Variants in MBNL2 observed in about 807,000 individuals in gnomAD.
MBNL2 encodes muscleblind-like protein 2.
In MBNL2, 17 loss-of-function variants were observed where a neutral mutation model predicts 41.9. The ratio of observed to expected loss-of-function variants is 0.41; its 90% CI spans 0.28 to 0.61. The LOEUF (loss-of-function observed/expected upper bound fraction) is 0.61, where lower values mean the gene tolerates loss of function less well. Among genes scored for constraint, MBNL2 ranks in the 20% least tolerant of loss-of-function variants. The pLI is 0.35. For synonymous variants in MBNL2, 195 were observed against 182.9 expected, an observed-to-expected ratio of 1.07 and a Z score of -0.53; for missense variants, 336 against 505.6, an observed-to-expected ratio of 0.66 and a Z score of 3.22.
intron 1 of MBNL2, among the ~76,000 whole-genome samples, chr13:97,237,177 T>A (rs905426545): frequency 3.3e-5 from 5 of 152,246 alleles, no homozygotes; most frequent in Admixed American, 6.5e-5. Flanking sequence ...ACCAAATTCA[T>A]TGGACCTCTG....
intron 2 of MBNL2, among the ~76,000 whole-genome samples, chr13:97,317,678 C>A (rs909007152): frequency 6.6e-6 from 1 of 152,128 alleles, no homozygotes; most frequent in Non-Finnish European, 1.5e-5. Flanking sequence ...CCTTGTCTTG[C>A]CCTAATAGAC....
chr13:97,291,318 T>C (rs2055912078), intron 2 of MBNL2, among the ~76,000 whole-genome samples: 1 of 152,096 alleles, frequency 6.6e-6, no homozygotes, highest in Non-Finnish European at 1.5e-5. Context: ...CTTGGCTCAC[T>C]GTACCCTCTG....
Position 97,391,895 on chromosome 13 carries a change from C to T in MBNL2, c.*446C>T. 1 of 158,632 alleles carries T rather than the reference C, an allele frequency of 6.3e-6. No individual in the cohort carries two copies. The highest frequency in any genetic ancestry group is 1.4e-5 in the Non-Finnish European group (1 of 72,444). 9.8% of individuals were successfully genotyped at this position (158,632 alleles called of 1,614,324 possible). A position where few individuals can be genotyped will look rare whatever the true frequency, so the allele number is the denominator to read the frequency against. Reference sequence around the variant, plus strand: ...GATGAGAGGTGAAGTAAAACCGATACCTGTCCTGCAGGTCTAAAATTTGAA... The same window carrying T: ...GATGAGAGGTGAAGTAAAACCGATATCTGTCCTGCAGGTCTAAAATTTGAA... On this transcript the variant is annotated 3_prime_UTR_variant, in exon 9 of 9. Coordinates refer to ENST00000679496, the MANE Select transcript of MBNL2 (RefSeq NM_001382683.1).
chr13:97,230,001 A>G (rs2042166533), intron 1 of MBNL2, among the ~76,000 whole-genome samples: 1 of 152,220 alleles, frequency 6.6e-6, no homozygotes, highest in Admixed American at 6.5e-5. Context: ...GTGAGAGCTT[A>G]GAAGAGTGAA....
intron 7 of MBNL2, among the ~76,000 whole-genome samples, chr13:97,363,418 C>CTCTGTG (rs1427263369): frequency 1.7e-4 from 23 of 136,728 alleles, no homozygotes; most frequent in African/African-American, 6.2e-4. Context: ...GAAAGAAAAA[C>CTCTGTG]TGTGTGTGTG....
In MBNL2 at chr13:97,357,000, T is replaced by C. The variant is rs1281329475; in HGVS notation, c.858+151T>C. Among the ~76,000 whole-genome samples, 4 of 152,208 alleles carry C rather than the reference T, an allele frequency of 2.6e-5. No homozygotes were observed. The East Asian group carries it at 7.7e-4, about 29-fold the overall frequency. On this transcript the variant is annotated intron_variant, in intron 6 of 8. Coordinates refer to ENST00000679496, the MANE Select transcript of MBNL2 (RefSeq NM_001382683.1). The stretch of plus-strand genomic sequence containing the variant: ...GGTGTTTAGCCATCTCATTCTCATA[T>C]GTAATCTGTGAAATAAATTAATCCT...
chr13:97,204,714 C>T, the MBNL2 span, among the ~76,000 whole-genome samples: 3 of 152,056 alleles, frequency 2.0e-5, no homozygotes, highest in African/African-American at 7.2e-5. Flanking sequence ...GGTTGCGGCC[C>T]AATCCATTTT....
At chr13:97,339,355 G>A (rs2061232073) in intron 3 of MBNL2, among the ~76,000 whole-genome samples, 2 of 151,008 alleles carry the variant, frequency 1.3e-5, no homozygotes, top group South Asian at 4.2e-4. Context: ...GAAGACTGCG[G>A]AGAGGAACAC....
At chr13:97,224,971 G>A (rs932328004) in intron 1 of MBNL2, among the ~76,000 whole-genome samples, 2 of 152,188 alleles carry the variant, frequency 1.3e-5, no homozygotes, top group African/African-American at 4.8e-5. Flanking sequence ...TTTTTCCTTT[G>A]ACTTTTGTGT....
At chr13:97,365,383 T>C (rs2063767641) in intron 8 of MBNL2, among the ~76,000 whole-genome samples, 1 of 152,214 alleles carries the variant, frequency 6.6e-6, no homozygotes, top group African/African-American at 2.4e-5. Flanking sequence ...GAACAATCAC[T>C]ACAAAAACAT....
At chr13:97,276,969 A>T (rs1171241046) in intron 2 of MBNL2, among the ~76,000 whole-genome samples, 2 of 152,200 alleles carry the variant, frequency 1.3e-5, no homozygotes, top group Non-Finnish European at 2.9e-5. Flanking sequence ...AGTGATTCAG[A>T]TGGCACCTTT....
At chr13:97,211,894 G>T in the MBNL2 span, among the ~76,000 whole-genome samples, 1 of 152,182 alleles carries the variant, frequency 6.6e-6, no homozygotes, top group South Asian at 2.1e-4. Flanking sequence ...ACTATATGCC[G>T]AGATCTAAAT....
chr13:97,385,708 C>T (rs936566131), intron 8 of MBNL2, among the ~76,000 whole-genome samples: 4 of 152,150 alleles, frequency 2.6e-5, no homozygotes, highest in African/African-American at 7.2e-5. Flanking sequence ...GTTATACATA[C>T]GTACAATTCC....
the MBNL2 span, among the ~76,000 whole-genome samples, chr13:97,154,792 A>AGGATGGATGGAT: frequency 8.3e-3 from 1,214 of 146,272 alleles, 9 homozygotes; most frequent in African/African-American, 0.018. Context: ...AAATGGTATA[A>AGGATGGATGGAT]GGATGGATGG....
chr13:97,188,016 T>G, the MBNL2 span, among the ~76,000 whole-genome samples: 1 of 152,194 alleles, frequency 6.6e-6, no homozygotes, highest in Non-Finnish European at 1.5e-5. Flanking sequence ...AATATTTTGT[T>G]TCTCATCACC....
rs1331804442 is a variant in MBNL2 at position 97,376,460 on chromosome 13, C to CAGTT, written c.1048+11292_1048+11295dup. Among the ~76,000 whole-genome samples, 3 of 152,176 alleles carry CAGTT rather than the reference C, an allele frequency of 2.0e-5. No homozygotes were observed. In the East Asian group the frequency reaches 5.8e-4, roughly 29 times the overall value. ...TTATGACAAACTATAGCTAATCTAG[C>CAGTT]AGTTAGAATTCATCATGCTTTAGCA... On this transcript the variant is annotated intron_variant, in intron 8 of 8. Coordinates refer to ENST00000679496, the MANE Select transcript of MBNL2 (RefSeq NM_001382683.1).
intron 8 of MBNL2, among the ~76,000 whole-genome samples, chr13:97,386,872 C>T (rs1337346479): frequency 1.3e-5 from 2 of 151,914 alleles, no homozygotes; most frequent in Non-Finnish European, 2.9e-5. Flanking sequence ...CCATTGTAGC[C>T]AGCTGATATT....
chr13:97,285,010 G>T (rs1026885769), intron 2 of MBNL2, among the ~76,000 whole-genome samples: 12 of 152,290 alleles, frequency 7.9e-5, no homozygotes, highest in Middle Eastern at 6.8e-3. Flanking sequence ...TTATTAAGGT[G>T]TAAGGAGAAA....
chr13:97,151,724 C>T, the MBNL2 span, among the ~76,000 whole-genome samples: 5 of 152,256 alleles, frequency 3.3e-5, no homozygotes, highest in East Asian at 5.8e-4. Context: ...ATCAGACAGC[C>T]TCCATTTTCA....
Sources: allele counts gnomAD v4.1 joint callset (sites outside exome capture counted in the v4.1 genomes callset), GRCh38; gene constraint gnomAD v4.1.1; transcripts MANE v1.5; gene names NCBI Gene and HGNC (gene_info 2026-07-23, HGNC 2026-07-21).